DPYD: variants seen among roughly 807,000 people sequenced by gnomAD.
The protein encoded by DPYD is dihydropyrimidine dehydrogenase [NADP(+)].
Under a neutral mutation model 116.2 loss-of-function variants are expected in DPYD, and 109 were observed. The observed-to-expected ratio is 0.94, with a 90% CI of 0.80 to 1.10. The LOEUF (loss-of-function observed/expected upper bound fraction) is 1.10, where lower values mean the gene tolerates loss of function less well. Ranked by LOEUF, DPYD falls within the 50% of genes least tolerant of loss-of-function variation. DPYD has a pLI of 0.00. For missense variants in DPYD, 1,302 were observed against 1,254.5 expected, an observed-to-expected ratio of 1.04 and a Z score of -0.57; for synonymous variants, 440 against 432.0, an observed-to-expected ratio of 1.02 and a Z score of -0.23.
chr1:97,441,674 A>G (rs2101762545), intron 14 of DPYD, among the ~76,000 whole-genome samples: 1 of 152,296 alleles, frequency 6.6e-6, no homozygotes. Flanking sequence ...TTTAATCTAT[A>G]AATTTTCCTC....
At chr1:97,457,848 T>C (rs955723585) in intron 13 of DPYD, among the ~76,000 whole-genome samples, 1 of 152,188 alleles carries the variant, frequency 6.6e-6, no homozygotes, top group Non-Finnish European at 1.5e-5. Flanking sequence ...CTATTCAAGT[T>C]ATTAATACCA....
At position 97,108,516 on chromosome 1, in the gene DPYD, C is replaced by T. The variant is rs148818673; in HGVS notation, c.2623-9884G>A. 7.0e-3 allele frequency among the ~76,000 whole-genome samples: 1,067 copies of T among 152,190 alleles called. 13 individuals carry two copies. Among genetic ancestry groups the T allele is most frequent in the African/African-American group, 0.024 (1,006 of 41,534 alleles). On this transcript the variant is annotated intron_variant, in intron 20 of 22. Transcript: ENST00000370192. ...TATAGAACATTCTGAGTCTATTAGG[C>T]TATAACATATGGATATCATGGATCA...
At chr1:97,260,095 T>C (rs933006492) in intron 18 of DPYD, among the ~76,000 whole-genome samples, 1 of 152,152 alleles carries the variant, frequency 6.6e-6, no homozygotes, top group African/African-American at 2.4e-5. Context: ...GGTTATAAGA[T>C]TGCTCTTCTG....
chr1:97,609,380 GA>G (rs1229502864), intron 8 of DPYD, among the ~76,000 whole-genome samples: 1 of 151,912 alleles, frequency 6.6e-6, no homozygotes, highest in African/African-American at 2.4e-5. Context: ...TAAAGAAAAA[GA>G]GAGAGAATCT....
chr1:97,552,152 A>T (rs867677504), intron 11 of DPYD, among the ~76,000 whole-genome samples: 1 of 152,054 alleles, frequency 6.6e-6, no homozygotes, highest in African/African-American at 2.4e-5. Flanking sequence ...ACTCTTTCAA[A>T]GCCCTGCGCC....
intron 3 of DPYD, among the ~76,000 whole-genome samples, chr1:97,756,887 G>A (rs1665277512): frequency 6.6e-6 from 1 of 152,066 alleles, no homozygotes; most frequent in African/African-American, 2.4e-5. Flanking sequence ...AATGCGTGCT[G>A]CTCATTCCCA....
At chr1:97,162,128 G>A (rs9727008) in intron 20 of DPYD, among the ~76,000 whole-genome samples, 27,010 of 151,458 alleles carry the variant, frequency 0.18, 2,417 homozygotes, top group East Asian at 0.28. Context: ...CTAGTTCTAG[G>A]TCCCTGAGGA....
intron 16 of DPYD, among the ~76,000 whole-genome samples, chr1:97,320,530 T>C (rs1389921317): frequency 1.1e-4 from 6 of 54,746 alleles, no homozygotes; most frequent in Non-Finnish European, 1.6e-4. Context: ...TTACAAGGGA[T>C]GTGAAGGACC....
In DPYD at chr1:97,358,925, T is replaced by C. The variant is rs190578449; in HGVS notation, c.2058+14636A>G. Reference sequence around the variant, plus strand: ...TTCTCCTACAAAGGATCACAGCTCCTCGGCAGCAACAGAAAAAAGCTGGAT... The same window carrying C: ...TTCTCCTACAAAGGATCACAGCTCCCCGGCAGCAACAGAAAAAAGCTGGAT... On this transcript the variant is annotated intron_variant, in intron 16 of 22. Transcript: ENST00000370192. Among the ~76,000 whole-genome samples, 31 of 152,216 alleles carry C rather than the reference T, an allele frequency of 2.0e-4. 1 individual carries two copies. The East Asian group carries it at 5.8e-3, about 28-fold the overall frequency.
At chr1:97,881,567 T>G (rs1283169789) in intron 2 of DPYD, among the ~76,000 whole-genome samples, 2 of 152,054 alleles carry the variant, frequency 1.3e-5, no homozygotes, top group Admixed American at 1.3e-4. Context: ...CACTGTACCT[T>G]GGTTATTATT....
intron 16 of DPYD, among the ~76,000 whole-genome samples, chr1:97,332,670 A>G (rs913075609): frequency 5.9e-5 from 9 of 152,194 alleles, no homozygotes; most frequent in Non-Finnish European, 1.0e-4. Context: ...CTGACATAGT[A>G]TGAATAGTAA....
At chr1:97,109,342 T>C (rs935355435) in intron 20 of DPYD, among the ~76,000 whole-genome samples, 14 of 152,138 alleles carry the variant, frequency 9.2e-5, no homozygotes, top group Non-Finnish European at 1.8e-4. Context: ...GCAACAGTCC[T>C]TCCAGTGCCT....
intron 13 of DPYD, among the ~76,000 whole-genome samples, chr1:97,476,171 A>G (rs979579529): frequency 5.3e-5 from 8 of 152,164 alleles, no homozygotes; most frequent in Admixed American, 4.6e-4. Context: ...CCAGAGCCAC[A>G]TCACTTTCAC....
intron 20 of DPYD, among the ~76,000 whole-genome samples, chr1:97,112,473 T>C (rs1020769126): frequency 1.3e-5 from 2 of 152,172 alleles, no homozygotes; most frequent in Non-Finnish European, 2.9e-5. Flanking sequence ...AAGACCATTC[T>C]GTAGCCTAAA....
intron 20 of DPYD, among the ~76,000 whole-genome samples, chr1:97,124,177 G>A (rs1185363073): frequency 1.2e-5 from 1 of 81,834 alleles, no homozygotes; most frequent in Non-Finnish European, 2.7e-5. Flanking sequence ...TTTCCTAATG[G>A]ACTTCTTCCT....
chr1:97,229,758 A>C (rs1460344053), intron 19 of DPYD, among the ~76,000 whole-genome samples: 7 of 151,884 alleles, frequency 4.6e-5, no homozygotes, highest in Non-Finnish European at 1.0e-4. Flanking sequence ...TTTTAGCTGA[A>C]ATTGTCTTGA....
intron 8 of DPYD, among the ~76,000 whole-genome samples, chr1:97,624,771 C>A (rs1010565270): frequency 6.6e-6 from 1 of 151,938 alleles, no homozygotes; most frequent in Non-Finnish European, 1.5e-5. Flanking sequence ...GTATGAAATA[C>A]TATTCGGACT....
intron 20 of DPYD, among the ~76,000 whole-genome samples, chr1:97,135,144 G>A (rs1410012951): frequency 6.6e-6 from 1 of 152,000 alleles, no homozygotes; most frequent in African/African-American, 2.4e-5. Context: ...AGGTTCACTC[G>A]AGCATACTTC....
chr1:97,315,505 C>T (rs942425545), intron 16 of DPYD, among the ~76,000 whole-genome samples: 2 of 151,944 alleles, frequency 1.3e-5, no homozygotes, highest in African/African-American at 4.8e-5. Flanking sequence ...CTCCAATAAA[C>T]CTTTGGCCCT....
Sources: gnomAD v4.1 joint callset for allele counts (sites outside exome capture counted in the v4.1 genomes callset) on GRCh38, gnomAD v4.1.1 for gene constraint, MANE v1.5 for transcripts, NCBI Gene and HGNC (gene_info 2026-07-23, HGNC 2026-07-21) for gene names.